The following SLC1A2 variants were observed in gnomAD, a reference collection of about 807,000 sequenced individuals.
The protein encoded by SLC1A2 is excitatory amino acid transporter 2.
Under a neutral mutation model 48.8 loss-of-function variants are expected in SLC1A2, and 15 were observed. The observed-to-expected ratio is 0.31, with a 90% confidence interval of 0.21 to 0.47. The LOEUF (loss-of-function observed/expected upper bound fraction) is 0.47. Among genes scored for constraint, SLC1A2 ranks in the 20% least tolerant of loss-of-function variants. SLC1A2 has a pLI of 0.99. For missense variants in SLC1A2, 502 were observed against 730.5 expected (o/e 0.69, Z 3.61); for synonymous variants, 279 against 272.6 (o/e 1.02, Z -0.23).
rs76737222 is a variant in SLC1A2, at chr11:35,363,067, G to A, written c.18-45551C>T. 6.9e-3 allele frequency among the ~76,000 whole-genome samples: 1,055 copies of A among 152,250 alleles called. 4 individuals are homozygous for A. The highest frequency in any genetic ancestry group is 0.023 in the South Asian group (112 of 4,820). On this transcript the variant is annotated intron_variant, in intron 1 of 10. Coordinates refer to ENST00000278379, the MANE Select transcript of SLC1A2 (RefSeq NM_004171.4). ...GCTGAAGTTCACAAAGCAGGTCAGC[G>A]GCAGACCCTCAAAGTCGGACTCCTG...
At position 35,315,028 on chromosome 11, in the gene SLC1A2, A is replaced by G; in HGVS notation, c.305T>C (p.Ile102Thr). Residue 102 changes from isoleucine (I) to threonine (T), a missense_variant, in exon 3 of 11, where the codon ATC becomes ACC. Ile to Thr is a moderately conservative substitution (Grantham distance 89). Transcript: ENST00000278379. ...CACTAGTGAGGTAGTCTTACCTGTG[A>G]TTAAGCTGGAGATGATTAGAGGGAG... ...LILPLIISSLITGLSGLDAKA... is the reference protein window; with the variant it reads ...LILPLIISSLTTGLSGLDAKA... 1 of 1,612,612 alleles carries G rather than the reference A, an allele frequency of 6.2e-7. No individual in the cohort carries two copies. Among genetic ancestry groups the G allele is most frequent in the Non-Finnish European group, 8.5e-7 (1 of 1,178,678 alleles).
At chr11:35,301,972 C>T (rs1390244052) in intron 5 of SLC1A2, among the ~76,000 whole-genome samples, 1 of 152,156 alleles carries the variant, frequency 6.6e-6, no homozygotes, top group Non-Finnish European at 1.5e-5. Flanking sequence ...AAGCAGATTC[C>T]TTTATTACAC....
At chr11:35,314,785 C>CTTTTTTTT (rs5791048) in intron 3 of SLC1A2, among the ~76,000 whole-genome samples, 3 of 141,048 alleles carry the variant, frequency 2.1e-5, no homozygotes, top group Non-Finnish European at 1.5e-5. Flanking sequence ...CTTTTCTTTT[C>CTTTTTTTT]TTTTTTTTTT....
rs150479963 is a variant in SLC1A2, at chr11:35,419,002, C to G, written c.-36G>C. 3 of 1,549,898 alleles carry G rather than the reference C, an allele frequency of 1.9e-6. No homozygotes were observed. The highest frequency in any genetic ancestry group is 1.7e-4 in the Middle Eastern group (1 of 5,968). On this transcript the variant is annotated 5_prime_UTR_variant, in exon 1 of 11. Coordinates refer to ENST00000278379, the MANE Select transcript of SLC1A2 (RefSeq NM_004171.4). The surrounding 1 kb of genome is among the most constrained non-coding windows in gnomAD (Gnocchi z 5.4). ...ACGCCCCCTCCTCTTCAGCACTATC[C>G]GGCAGCTGTGGGCGAGGGAGAAAGC...
chr11:35,301,333 A>C (rs1359234156), intron 6 of SLC1A2, among the ~76,000 whole-genome samples, 186 bp downstream of exon 6: 1 of 152,216 alleles, frequency 6.6e-6, no homozygotes, highest in Non-Finnish European at 1.5e-5. Context: ...CAAGGGGCAT[A>C]ATTTGTCTAC....
chr11:35,254,887 G>GAAAA lies in SLC1A2; in HGVS notation c.*6006_*6007insTTTT. On this transcript the variant is annotated 3_prime_UTR_variant, in exon 11 of 11. Transcript: ENST00000278379. ...GAGGTTGGAAAGTGAAGCAAGGCTG[G>GAAAA]ACATAGAAAAAAACTGATCAGTAGT... 2.3e-6 allele frequency: 1 copy of GAAAA among 435,314 alleles called. No individual in the cohort carries two copies. The highest frequency in any genetic ancestry group is 3.4e-4 in the Middle Eastern group (1 of 2,914). The allele number at this position is 435,314 out of a possible 1,614,324, so 27.0% of individuals were successfully genotyped here. A position where few individuals can be genotyped will look rare whatever the true frequency, so the allele number is the denominator to read the frequency against.
intron 1 of SLC1A2, among the ~76,000 whole-genome samples, chr11:35,388,104 G>A (rs2135228859): frequency 6.6e-6 from 1 of 152,346 alleles, no homozygotes; most frequent in African/African-American, 2.4e-5. Context: ...TCCAAAGACT[G>A]TGTTCATTCT....
chr11:35,297,952 A>G (rs1222094546), intron 6 of SLC1A2: 3 of 152,224 alleles, frequency 2.0e-5, no homozygotes, highest in African/African-American at 7.2e-5. Context: ...ATCGGGGCTT[A>G]GAGTGTCTAA....
Position 35,260,892 on chromosome 11 carries a change from C to G in SLC1A2, c.*2G>C. The G allele has an allele frequency of 6.2e-7, 1 of 1,607,290 alleles. No individual in the cohort carries two copies. The highest frequency in any genetic ancestry group is 8.5e-7 in the Non-Finnish European group (1 of 1,173,822). ...TTCAAGAATTTGCTGAGACTCATAT[C>G]CTTATTTCTCACGTTTCCAAGGTTC... On this transcript the variant is annotated 3_prime_UTR_variant, in exon 11 of 11. Transcript: ENST00000278379.
intron 1 of SLC1A2, among the ~76,000 whole-genome samples, chr11:35,365,638 G>A (rs1853817572): frequency 6.6e-6 from 1 of 152,068 alleles, no homozygotes; most frequent in Admixed American, 6.6e-5. Context: ...TCCCCAGCCT[G>A]CAACAAAAGT....
chr11:35,365,675 T>C (rs1853819756), intron 1 of SLC1A2, among the ~76,000 whole-genome samples: 1 of 152,238 alleles, frequency 6.6e-6, no homozygotes, highest in South Asian at 2.1e-4. Context: ...GAACTATTTC[T>C]GTTTTCTTTA....
chr11:35,393,937 A>T (rs887236299), intron 1 of SLC1A2, among the ~76,000 whole-genome samples: 15 of 152,206 alleles, frequency 9.9e-5, no homozygotes, highest in Non-Finnish European at 1.8e-4. Context: ...GAGAATGGCT[A>T]AAGAAGGTCC....
chr11:35,347,692 C>T (rs1362253963), intron 1 of SLC1A2, among the ~76,000 whole-genome samples: 2 of 152,162 alleles, frequency 1.3e-5, no homozygotes, highest in Non-Finnish European at 2.9e-5. Context: ...ACCTCGGTGC[C>T]AGGCCCTGAG....
chr11:35,368,431 C>T (rs918165168), intron 1 of SLC1A2, among the ~76,000 whole-genome samples: 1 of 152,166 alleles, frequency 6.6e-6, no homozygotes, highest in Non-Finnish European at 1.5e-5. Context: ...TAAAGACTTT[C>T]AAAAAATGCT....
chr11:35,348,049 G>T (rs1853103637), intron 1 of SLC1A2, among the ~76,000 whole-genome samples: 1 of 152,200 alleles, frequency 6.6e-6, no homozygotes, highest in South Asian at 2.1e-4. Context: ...GCGGCACCTG[G>T]GTTGAATTCA....
chr11:35,346,617 G>A (rs760859486), intron 1 of SLC1A2, among the ~76,000 whole-genome samples: 1 of 152,222 alleles, frequency 6.6e-6, no homozygotes, highest in African/African-American at 2.4e-5. Context: ...GCAGGTTCAC[G>A]TCATATACGC....
At chr11:35,379,664 C>T (rs1854359787) in intron 1 of SLC1A2, among the ~76,000 whole-genome samples, 1 of 152,222 alleles carries the variant, frequency 6.6e-6, no homozygotes. Flanking sequence ...AGGCTTCCTC[C>T]ACTCACTTAT....
intron 4 of SLC1A2, among the ~76,000 whole-genome samples, chr11:35,311,897 G>GGAGAGAGAGAGAGAGA (rs1213084635): frequency 0.047 from 1,205 of 25,712 alleles, 194 homozygotes; most frequent in Non-Finnish European, 0.061. Flanking sequence ...AGAGAGGGAG[G>GGAGAGAGAGAGAGAGA]GAGAGAGAGA....
At chr11:35,374,894 A>G (rs1381143094) in intron 1 of SLC1A2, among the ~76,000 whole-genome samples, 1 of 152,230 alleles carries the variant, frequency 6.6e-6, no homozygotes, top group African/African-American at 2.4e-5. Context: ...ACCTATATAA[A>G]TCGTACATGT....
Sources: gnomAD v4.1 joint callset for allele counts (sites outside exome capture counted in the v4.1 genomes callset) on GRCh38, gnomAD v4.1.1 for gene constraint, Gnocchi (gnomAD v3.1) non-coding constraint, MANE v1.5 for transcripts, NCBI Gene and HGNC (gene_info 2026-07-23, HGNC 2026-07-21) for gene names.